The following REPS2 variants were observed in gnomAD, a reference collection of about 807,000 sequenced individuals.
REPS2 encodes ralBP1-associated Eps domain-containing protein 2.
Under a neutral mutation model 53.6 loss-of-function variants are expected in REPS2, and 23 were observed. That is an observed-to-expected ratio of 0.43 (90% confidence interval 0.31 to 0.61). REPS2 has a LOEUF of 0.61. REPS2 is among the 20% of genes least tolerant of loss of function. The pLI is 0.11. For synonymous variants in REPS2, 238 were observed against 218.6 expected, an observed-to-expected ratio of 1.09 and a Z score of -0.78; for missense variants, 446 against 534.9, an observed-to-expected ratio of 0.83 and a Z score of 1.64.
At chrX:16,973,130 A>T (rs1442163226) in intron 1 of REPS2, among the ~76,000 whole-genome samples, 1 of 111,828 alleles carries the variant, frequency 8.9e-6, no homozygotes, top group Non-Finnish European at 1.9e-5. Flanking sequence ...ATGCTTTCTT[A>T]TGAATAAGGT....
chrX:17,033,433 G>A (rs1037096609), intron 5 of REPS2, among the ~76,000 whole-genome samples: 3 of 111,694 alleles, frequency 2.7e-5, no homozygotes, highest in African/African-American at 9.8e-5. Context: ...TCACTCTAAT[G>A]TTCCACTGTC....
chrX:16,951,194 C>T (rs1252803239), intron 1 of REPS2, among the ~76,000 whole-genome samples: 2 of 111,804 alleles, frequency 1.8e-5, no homozygotes, highest in Non-Finnish European at 3.8e-5. Flanking sequence ...ACTACTCTAA[C>T]GTTTGTTGCT....
chrX:17,093,166 CTATATATATATATA>C (rs58530978), intron 13 of REPS2, among the ~76,000 whole-genome samples: 5 of 39,122 alleles, frequency 1.3e-4, no homozygotes, highest in South Asian at 2.1e-3. Context: ...TGAGTTAATG[CTATATATATATATA>C]TATATATATA....
intron 13 of REPS2, among the ~76,000 whole-genome samples, chrX:17,100,517 C>T (rs1241537435): frequency 8.9e-6 from 1 of 112,261 alleles, no homozygotes; most frequent in Admixed American, 9.4e-5. Flanking sequence ...AACAAAAGAG[C>T]CCTGCACTCT....
At chrX:17,090,453 A>G (rs185879270) in intron 13 of REPS2, among the ~76,000 whole-genome samples, 37 of 111,497 alleles carry the variant, frequency 3.3e-4, no homozygotes, top group African/African-American at 9.5e-4. Flanking sequence ...CCATGGTTCA[A>G]TCATCTCCCA....
intron 5 of REPS2, among the ~76,000 whole-genome samples, chrX:17,043,183 G>T (rs773679396): frequency 2.7e-5 from 3 of 111,195 alleles, no homozygotes; most frequent in Non-Finnish European, 3.8e-5. Context: ...GAAAGAGATG[G>T]GGGGGTAGGT....
In REPS2 at chrX:16,975,563, A is replaced by G. The variant is rs1201677597; in HGVS notation, c.273+28429A>G. 8.1e-5 allele frequency among the ~76,000 whole-genome samples: 9 copies of G among 111,603 alleles called. No homozygotes were observed. The East Asian group carries it at 2.5e-3, about 31-fold the overall frequency. On this transcript the variant is annotated intron_variant, in intron 1 of 17. Transcript: ENST00000357277. Reference sequence around the variant, plus strand: ...TATGCATTTTTGTCTGGAATACTGCATAAGTGACATGTCCTTCTCAGGCAA... The same window carrying G: ...TATGCATTTTTGTCTGGAATACTGCGTAAGTGACATGTCCTTCTCAGGCAA...
intron 8 of REPS2, 35 bp downstream of exon 8, chrX:17,054,985 C>T: frequency 2.5e-6 from 3 of 1,182,392 alleles, no homozygotes; most frequent in East Asian, 3.0e-5. Context: ...ACCTTAAGTA[C>T]TTTTCCTCCA....
chrX:17,063,721 G>A (rs2062188121), intron 9 of REPS2, among the ~76,000 whole-genome samples: 1 of 111,073 alleles, frequency 9.0e-6, no homozygotes, highest in Admixed American at 9.6e-5. Context: ...ACTTTTCATG[G>A]CCCTCAGTTT....
the REPS2 span, among the ~76,000 whole-genome samples, chrX:17,192,800 C>A: frequency 9.0e-6 from 1 of 111,724 alleles, no homozygotes; most frequent in Non-Finnish European, 1.9e-5. Flanking sequence ...ATCTCCCACT[C>A]CTTTCCAGAG....
intron 13 of REPS2, among the ~76,000 whole-genome samples, chrX:17,093,874 G>A (rs1293400450): frequency 9.0e-6 from 1 of 110,776 alleles, no homozygotes; most frequent in Non-Finnish European, 1.9e-5. Flanking sequence ...AACCACAGAC[G>A]TCTTCAATTT....
At chrX:17,105,933 A>T (rs990624063) in intron 14 of REPS2, among the ~76,000 whole-genome samples, 4 of 111,843 alleles carry the variant, frequency 3.6e-5, no homozygotes, top group Admixed American at 2.9e-4. Context: ...GCTTGTGATA[A>T]AACAGTCTCT....
chrX:16,953,357 A>G (rs1285311844), intron 1 of REPS2, among the ~76,000 whole-genome samples: 1 of 111,407 alleles, frequency 9.0e-6, no homozygotes, highest in Non-Finnish European at 1.9e-5. Flanking sequence ...TACCCAAGAA[A>G]TAACTGTGTA....
In REPS2 at chrX:17,050,434, A is replaced by C. The variant is rs752395594; in HGVS notation, c.908-1948A>C. 1.0e-4 allele frequency among the ~76,000 whole-genome samples: 11 copies of C among 108,012 alleles called. No individual in the cohort carries two copies. The East Asian group carries it at 2.7e-3, about 27-fold the overall frequency. 93.8% of individuals were successfully genotyped at this position (108,012 alleles called of 115,157 possible). A position where few individuals can be genotyped will look rare whatever the true frequency, so the allele number is the denominator to read the frequency against. ...ATATTTAGTTGTGTTTAGATACACA[A>C]ATAGTTACTATTGTGTCCCAACTGC... On this transcript the variant is annotated intron_variant, in intron 6 of 17. Coordinates refer to ENST00000357277, the MANE Select transcript of REPS2 (RefSeq NM_004726.3).
intron 14 of REPS2, among the ~76,000 whole-genome samples, chrX:17,111,212 G>A (rs946221644): frequency 2.3e-4 from 26 of 111,493 alleles, no homozygotes; most frequent in African/African-American, 8.1e-4. Flanking sequence ...TTAAAACTCC[G>A]TGAATAAACA....
chrX:17,145,712 T>C (rs1260000519), intron 17 of REPS2, among the ~76,000 whole-genome samples: 1 of 111,489 alleles, frequency 9.0e-6, no homozygotes, highest in Non-Finnish European at 1.9e-5. Context: ...TCCCAGTTGC[T>C]CCCCTGCTTC....
At chrX:16,957,363 T>C (rs889499792) in intron 1 of REPS2, among the ~76,000 whole-genome samples, 57 of 110,268 alleles carry the variant, frequency 5.2e-4, no homozygotes, top group African/African-American at 1.9e-3. Flanking sequence ...TGAGCCAAGA[T>C]TGTGCCACTG....
At chrX:17,067,253 T>TA (rs762245292) in intron 9 of REPS2, among the ~76,000 whole-genome samples, 1 of 112,239 alleles carries the variant, frequency 8.9e-6, no homozygotes, top group South Asian at 3.7e-4. Context: ...TTCTTGAACT[T>TA]AATCTTATAG....
At position 17,149,581 on chromosome X, in the gene REPS2, C is replaced by T. The variant is rs1390084412; in HGVS notation, c.*2100C>T. ...TTGGCCTCTCGAAGTGCTGGGATTA[C>T]AGGCGTGAGCCACCCGCCCGGCTAT... On this transcript the variant is annotated 3_prime_UTR_variant, in exon 18 of 18. Transcript: ENST00000357277. 8.8e-6 allele frequency: 1 copy of T among 113,194 alleles called. No individual in the cohort carries two copies. The highest frequency in any genetic ancestry group is 1.9e-5 in the Non-Finnish European group (1 of 53,790). The allele number at this position is 113,194 out of a possible 1,213,427, so 9.3% of individuals were successfully genotyped here. A position where few individuals can be genotyped will look rare whatever the true frequency, so the allele number is the denominator to read the frequency against.
Sources: gnomAD v4.1 joint callset for allele counts (sites outside exome capture counted in the v4.1 genomes callset) on GRCh38, gnomAD v4.1.1 for gene constraint, MANE v1.5 for transcripts, NCBI Gene and HGNC (gene_info 2026-07-23, HGNC 2026-07-21) for gene names.